The following KCNQ1 variants were observed in gnomAD, a reference collection of about 807,000 sequenced individuals.
The protein encoded by KCNQ1 is potassium voltage-gated channel subfamily KQT member 1.
KCNQ1 carries 49 observed loss-of-function variants against 72.4 expected under a neutral mutation model. The observed-to-expected ratio is 0.68, with a 90% CI of 0.54 to 0.86. KCNQ1 has a LOEUF of 0.86. Ranked by LOEUF, KCNQ1 falls within the 40% of genes least tolerant of loss-of-function variation. KCNQ1 has a pLI of 0.00. For synonymous variants in KCNQ1, 450 were observed against 412.6 expected (o/e 1.09, Z -1.10); for missense variants, 790 against 945.1 (o/e 0.84, Z 2.15).
chr11:2,777,620 G>A (rs566401798), intron 14 of KCNQ1: 5 of 555,718 alleles, frequency 9.0e-6, no homozygotes, highest in South Asian at 2.4e-5. Context: ...ACGGAGCAGC[G>A]GAATGGCTGT....
At position 2,677,328 on chromosome 11, in the gene KCNQ1, A is replaced by G. The variant is rs1850311270; in HGVS notation, c.1514+15247A>G. 2 of 398,506 alleles carry G rather than the reference A, an allele frequency of 5.0e-6. No individual in the cohort carries two copies. Among genetic ancestry groups the G allele is most frequent in the Non-Finnish European group, 8.8e-6 (2 of 226,072 alleles). 24.7% of individuals were successfully genotyped at this position (398,506 alleles called of 1,614,324 possible). A position where few individuals can be genotyped will look rare whatever the true frequency, so the allele number is the denominator to read the frequency against. On this transcript the variant is annotated intron_variant, in intron 11 of 15. Transcript: ENST00000155840. This position sits in a 1 kb window ranked among gnomAD's most constrained non-coding sequence, Gnocchi z 4.5. ...AAGTTAAAGAAAATGATGTCAAATG[A>G]TTTCTCAAATAGAGACTGGGCAGAG...
At chr11:2,685,264 G>T in intron 11 of KCNQ1, 1 of 398,662 alleles carries the variant, frequency 2.5e-6, no homozygotes, top group Non-Finnish European at 4.4e-6. Flanking sequence ...CAGGGCACAC[G>T]TGCCACTGTG....
rs577662564 is a variant in KCNQ1, at chr11:2,532,670, G to A, written c.477+4652G>A. ...GTGGGAGGGGCACAGTGAGAAGGAG[G>A]TAAGCTGGTGCTGGCGGGGCAGGCA... is the stretch of plus-strand genomic sequence containing the variant. On this transcript the variant is annotated intron_variant, in intron 2 of 15. Transcript: ENST00000155840. 2.6e-4 allele frequency among the ~76,000 whole-genome samples: 39 copies of A among 152,298 alleles called. 1 individual carries two copies. The South Asian group carries it at 8.1e-3, about 32-fold the overall frequency.
chr11:2,551,143 C>T (rs1847977083), intron 2 of KCNQ1, among the ~76,000 whole-genome samples: 1 of 152,174 alleles, frequency 6.6e-6, no homozygotes, highest in Non-Finnish European at 1.5e-5. Flanking sequence ...TACAGGAAAA[C>T]TCTCCCCCTC....
Position 2,778,003 on chromosome 11 carries a change from C to T in KCNQ1, c.1760C>T (p.Thr587Met), listed in dbSNP as rs120074189. Residue 587 changes from threonine to methionine, a missense_variant, in exon 15 of 16, where the codon ACG (threonine) becomes ATG (methionine). By Grantham distance (81) the Thr-to-Met change is moderately conservative. Transcript: ENST00000155840. Reference sequence around the variant, plus strand: ...AAGAGCAAGGATCGCGGCAGCAACACGATCGGCGCCCGCCTGAACCGAGTA... The same window carrying T: ...AAGAGCAAGGATCGCGGCAGCAACATGATCGGCGCCCGCCTGAACCGAGTA... ...SEKSKDRGSN[T>M]IGARLNRVED... is the part of the protein sequence containing the mutation. 6.2e-7 allele frequency: 1 copy of T among 1,613,776 alleles called. No homozygotes were observed. Among genetic ancestry groups the T allele is most frequent in the Non-Finnish European group, 8.5e-7 (1 of 1,180,022 alleles).
chr11:2,708,930 T>C (rs1484858811), intron 11 of KCNQ1, among the ~76,000 whole-genome samples: 2 of 152,024 alleles, frequency 1.3e-5, no homozygotes, highest in Non-Finnish European at 2.9e-5. Context: ...AGTGCAATCT[T>C]TTTTTGGAAG....
chr11:2,632,132 G>A (rs1038576999), intron 10 of KCNQ1: 5 of 385,184 alleles, frequency 1.3e-5, no homozygotes, highest in Admixed American at 4.9e-5. Context: ...GCAGTGAGCC[G>A]AGATCGCGCC....
intron 10 of KCNQ1, chr11:2,641,696 A>C (rs1849579656): frequency 5.0e-6 from 2 of 398,296 alleles, no homozygotes; most frequent in South Asian, 2.5e-4. Context: ...TCTTATCCAT[A>C]AAATCTTTCC....
chr11:2,697,672 G>A, intron 11 of KCNQ1: 1 of 398,536 alleles, frequency 2.5e-6, no homozygotes, highest in South Asian at 1.3e-4. Context: ...GAATTACATG[G>A]ATAAAGTTTC....
At position 2,482,094 on chromosome 11, in the gene KCNQ1, C is replaced by T. The variant is rs1480716264; in HGVS notation, c.386+36610C>T. ...ACGGGAACGATGGGAGCCCTCACCT[C>T]GTATGGTGGTTTGAGGATTGAATGA... On this transcript the variant is annotated intron_variant, in intron 1 of 15. Transcript: ENST00000155840. This position sits in a 1 kb window ranked among gnomAD's most constrained non-coding sequence, Gnocchi z 5.7. Among the ~76,000 whole-genome samples the T allele has an allele frequency of 1.3e-5, 2 of 152,132 alleles. No individual in the cohort carries two copies. The highest frequency in any genetic ancestry group is 2.4e-5 in the African/African-American group (1 of 41,426).
intron 10 of KCNQ1, chr11:2,625,007 G>A (rs1291180230): frequency 1.0e-5 from 4 of 398,370 alleles, no homozygotes; most frequent in Non-Finnish European, 1.8e-5. Context: ...GGGTTGCATT[G>A]ATGTTTTAAC....
chr11:2,516,379 G>T lies in KCNQ1; in HGVS notation c.387-11549G>T, dbSNP rs1426949851. Among the ~76,000 whole-genome samples, 6 of 152,096 alleles carry T rather than the reference G, an allele frequency of 3.9e-5. No individual in the cohort carries two copies. Among genetic ancestry groups the T allele is most frequent in the African/African-American group, 1.4e-4 (6 of 41,428 alleles). On this transcript the variant is annotated intron_variant, in intron 1 of 15. Transcript: ENST00000155840. This position sits in a 1 kb window ranked among gnomAD's most constrained non-coding sequence, Gnocchi z 7.0. ...ATGCCTGGGACCGCTGACCCACCGG[G>T]ATTCTTGGGGGCCACCATAGAGCCT...
rs1470808740 is a variant in KCNQ1, at chr11:2,620,477, A to C, written c.1393+31623A>C. The C allele has an allele frequency of 8.8e-6, 3 of 341,658 alleles. No homozygotes were observed. Among genetic ancestry groups the C allele is most frequent in the Non-Finnish European group, 1.6e-5 (3 of 191,532 alleles). The allele number at this position is 341,658 out of a possible 1,614,324, so 21.2% of individuals were successfully genotyped here. ...GTGATCCACCCGCCTTGGCCTCCCA[A>C]AGTGCTGGGATTACAGGTGAGAGCT... On this transcript the variant is annotated intron_variant, in intron 10 of 15. Coordinates refer to ENST00000155840, the MANE Select transcript of KCNQ1 (RefSeq NM_000218.3). This position sits in a 1 kb window ranked among gnomAD's most constrained non-coding sequence, Gnocchi z 4.5.
Position 2,516,084 on chromosome 11 carries a change from C to T in KCNQ1, c.387-11844C>T, listed in dbSNP as rs1847284615. On this transcript the variant is annotated intron_variant, in intron 1 of 15. Coordinates refer to ENST00000155840, the MANE Select transcript of KCNQ1 (RefSeq NM_000218.3). The surrounding 1 kb of genome is among the most constrained non-coding windows in gnomAD (Gnocchi z 7.0). Reference sequence around the variant, plus strand: ...AATCTCCCTGTGGAAGGCCAGGCTGCCTGGATGCCCACCACTCCAGGCTTA... The same window carrying T: ...AATCTCCCTGTGGAAGGCCAGGCTGTCTGGATGCCCACCACTCCAGGCTTA... Among the ~76,000 whole-genome samples, 1 of 152,108 alleles carries T rather than the reference C, an allele frequency of 6.6e-6. No individual in the cohort carries two copies. The highest frequency in any genetic ancestry group is 1.5e-5 in the Non-Finnish European group (1 of 68,032).
In KCNQ1 at chr11:2,818,866, C is replaced by T. The variant is rs2532990; in HGVS notation, c.1795-28901C>T. ...GCTTAGCTGCTCTTCCCCCAACCCC[C>T]AGGCCCAGCAGAATCACATCTAGGA... On this transcript the variant is annotated intron_variant, in intron 15 of 15. Transcript: ENST00000155840. The surrounding 1 kb of genome is among the most constrained non-coding windows in gnomAD (Gnocchi z 7.2). Among the ~76,000 whole-genome samples the T allele has an allele frequency of 6.6e-6, 1 of 152,260 alleles. No homozygotes were observed. Among genetic ancestry groups the T allele is most frequent in the African/African-American group, 2.4e-5 (1 of 41,550 alleles).
intron 1 of KCNQ1, among the ~76,000 whole-genome samples, chr11:2,485,328 C>T (rs937715677): frequency 3.9e-5 from 6 of 152,036 alleles, no homozygotes; most frequent in East Asian, 3.9e-4. Flanking sequence ...GAGAGCCAGG[C>T]GCCCACCCTG....
At position 2,474,767 on chromosome 11, in the gene KCNQ1, A is replaced by G. The variant is rs1846546691; in HGVS notation, c.386+29283A>G. Reference sequence around the variant, plus strand: ...GAATGCTGCTGGTGGGACTAGGTTAAGGCGAGAAGGAGGTGTCCATGGCCA... The same window carrying G: ...GAATGCTGCTGGTGGGACTAGGTTAGGGCGAGAAGGAGGTGTCCATGGCCA... On this transcript the variant is annotated intron_variant, in intron 1 of 15. Transcript: ENST00000155840. 5.1e-5 allele frequency among the ~76,000 whole-genome samples: 4 copies of G among 77,946 alleles called. No homozygotes were observed. The South Asian group carries it at 1.9e-3, about 37-fold the overall frequency. The allele number at this position is 77,946 out of a possible 152,430, so 51.1% of individuals were successfully genotyped here.
intron 15 of KCNQ1, among the ~76,000 whole-genome samples, chr11:2,823,716 G>C (rs1847785322): frequency 6.6e-6 from 1 of 152,256 alleles, no homozygotes; most frequent in South Asian, 2.1e-4. Context: ...TGAGGGAGGT[G>C]TTGTTAGAGA....
chr11:2,690,449 A>C lies in KCNQ1; in HGVS notation c.1514+28368A>C. 1 of 398,632 alleles carries C rather than the reference A, an allele frequency of 2.5e-6. No homozygotes were observed. The highest frequency in any genetic ancestry group is 1.3e-4 in the South Asian group (1 of 7,860). The allele number at this position is 398,632 out of a possible 1,614,324, so 24.7% of individuals were successfully genotyped here. A position where few individuals can be genotyped will look rare whatever the true frequency, so the allele number is the denominator to read the frequency against. On this transcript the variant is annotated intron_variant, in intron 11 of 15. Coordinates refer to ENST00000155840, the MANE Select transcript of KCNQ1 (RefSeq NM_000218.3). The surrounding 1 kb of genome is among the most constrained non-coding windows in gnomAD (Gnocchi z 5.1). The stretch of plus-strand genomic sequence containing the variant: ...TCCTGGGAGCTAGAGCTGGGTTAAG[A>C]TAAGAGCAGAGACTGGGTCCTGGGA...
Sources: gnomAD v4.1 joint callset for allele counts (sites outside exome capture counted in the v4.1 genomes callset) on GRCh38, gnomAD v4.1.1 for gene constraint, Gnocchi (gnomAD v3.1) non-coding constraint, MANE v1.5 for transcripts, NCBI Gene and HGNC (gene_info 2026-07-23, HGNC 2026-07-21) for gene names.